The following WEE2 variants were observed in gnomAD, a reference collection of about 807,000 sequenced individuals.
The protein encoded by WEE2 is wee1-like protein kinase 2.
A neutral mutation model predicts 60.1 loss-of-function variants in WEE2; 50 were observed. That is an observed-to-expected ratio of 0.83 (90% CI 0.66 to 1.05). The LOEUF (loss-of-function observed/expected upper bound fraction) is 1.05, where lower values mean the gene tolerates loss of function less well. Ranked by LOEUF, WEE2 falls within the 50% of genes least tolerant of loss-of-function variation. WEE2 has a pLI of 0.00. For synonymous variants in WEE2, 240 were observed against 241.0 expected (o/e 1.00, Z 0.04); for missense variants, 631 against 684.3 (o/e 0.92, Z 0.87).
At position 141,716,175 on chromosome 7, in the gene WEE2, A is replaced by C. The variant is rs146788237; in HGVS notation, c.540-47A>C. On this transcript the variant is annotated intron_variant, in intron 2 of 11. Coordinates refer to ENST00000397541, the MANE Select transcript of WEE2 (RefSeq NM_001105558.1). ...CTAGAACCTAGCATAGTTCGGCCTCAATAAATATTAATTATATATTGATAA... is the reference window on the plus strand; with the variant it reads ...CTAGAACCTAGCATAGTTCGGCCTCCATAAATATTAATTATATATTGATAA... The C allele has an allele frequency of 1.9e-4, 295 of 1,520,580 alleles. 3 individuals carry two copies. In the East Asian group the frequency reaches 7.1e-3, roughly 37 times the overall value. 94.2% of individuals were successfully genotyped at this position (1,520,580 alleles called of 1,614,324 possible). A position where few individuals can be genotyped will look rare whatever the true frequency, so the allele number is the denominator to read the frequency against.
chr7:141,715,258 G>T (rs369694581), intron 2 of WEE2, among the ~76,000 whole-genome samples: 7 of 152,108 alleles, frequency 4.6e-5, no homozygotes, highest in Non-Finnish European at 1.0e-4. Context: ...GAATTCGATT[G>T]GTTTTAGTTC....
chr7:141,725,337 A>C (rs1584746223), intron 9 of WEE2, 141 bp downstream of exon 9: 1 of 1,010,988 alleles, frequency 9.9e-7, no homozygotes, highest in East Asian at 2.7e-5. Flanking sequence ...AGAAAAAATA[A>C]GGGGCGGGTC....
chr7:141,721,111 T>C, intron 5 of WEE2, 55 bp downstream of exon 5: 2 of 1,608,240 alleles, frequency 1.2e-6, no homozygotes, highest in Non-Finnish European at 1.7e-6. Flanking sequence ...TTATAAGCCT[T>C]CAGAAATAAA....
chr7:141,730,292 C>G lies in WEE2; in HGVS notation c.1679-3C>G, dbSNP rs752985552. ...ATTTACTTCTCACACTTTTGATGAA[C>G]AGCAGGAGAGCGTGAGCCTCTGCAT... On this transcript the variant is annotated splice_region_variant and splice_polypyrimidine_tract_variant and intron_variant, in intron 11 of 11. Coordinates refer to ENST00000397541, the MANE Select transcript of WEE2 (RefSeq NM_001105558.1). The G allele has an allele frequency of 6.2e-7, 1 of 1,613,108 alleles. No individual in the cohort carries two copies. The highest frequency in any genetic ancestry group is 1.3e-5 in the African/African-American group (1 of 74,878).
chr7:141,713,318 CCT>C (rs1317466353), intron 1 of WEE2, among the ~76,000 whole-genome samples: 38 of 152,224 alleles, frequency 2.5e-4, no homozygotes, highest in Admixed American at 2.5e-3. Context: ...TACTGTGGCC[CCT>C]GTGTGTGCTG....
At chr7:141,715,121 T>C (rs572658810) in intron 2 of WEE2, among the ~76,000 whole-genome samples, 3 of 152,320 alleles carry the variant, frequency 2.0e-5, no homozygotes, top group Admixed American at 2.0e-4. Context: ...TGTCAAGTTG[T>C]TTCTTTGGAG....
intron 1 of WEE2, among the ~76,000 whole-genome samples, chr7:141,710,541 A>G (rs1401899862): frequency 1.3e-5 from 2 of 152,238 alleles, no homozygotes; most frequent in African/African-American, 4.8e-5. Flanking sequence ...AAATGAAACA[A>G]TAAAGTTCAA....
At chr7:141,726,910 T>C (rs1055707958) in intron 9 of WEE2, among the ~76,000 whole-genome samples, 3 of 152,220 alleles carry the variant, frequency 2.0e-5, no homozygotes. Flanking sequence ...GGGTTATTAA[T>C]ACTAAGTGAA....
intron 10 of WEE2, chr7:141,727,798 G>A: frequency 4.7e-6 from 1 of 212,560 alleles, no homozygotes; most frequent in South Asian, 1.3e-4. Flanking sequence ...AGGTAAGATG[G>A]GTAAGACCTA....
chr7:141,716,333 C>A, intron 3 of WEE2, 66 bp downstream of exon 3: 1 of 1,349,254 alleles, frequency 7.4e-7, no homozygotes, highest in Non-Finnish European at 1.0e-6. Context: ...TCTCTTCTTC[C>A]CCTCCCCTTC....
intron 4 of WEE2, 181 bp from the exon 5 acceptor site, chr7:141,720,754 T>C (rs927143440): frequency 3.3e-5 from 24 of 722,698 alleles, no homozygotes; most frequent in Non-Finnish European, 4.6e-5. Context: ...ACAGCCTTCA[T>C]TGTTTCCACT....
chr7:141,730,265 T>A, intron 11 of WEE2, 30 bp from the exon 12 acceptor site: 1 of 1,611,204 alleles, frequency 6.2e-7, no homozygotes, highest in African/African-American at 1.3e-5. Context: ...GATCAATAAC[T>A]TATTTACTTC....
intron 5 of WEE2, 107 bp downstream of exon 5, chr7:141,721,163 T>C (rs976320874): frequency 7.2e-6 from 10 of 1,384,904 alleles, no homozygotes; most frequent in Non-Finnish European, 9.1e-6. Context: ...ATAGCAGATA[T>C]ACCTAAAAAG....
chr7:141,721,419 A>G (rs1254954109), intron 5 of WEE2, among the ~76,000 whole-genome samples: 1 of 151,962 alleles, frequency 6.6e-6, no homozygotes, highest in African/African-American at 2.4e-5. Flanking sequence ...TGTTGGTAGC[A>G]CCTCATGACC....
rs1347076866 is a variant in WEE2 at position 141,723,407 on chromosome 7, T to C, written c.1027+127T>C. ...TGCTGGCAGAACCCCTTTCTTCCAT[T>C]TGTGTTCCTTAAAAAAAATCAGTTA... On this transcript the variant is annotated intron_variant, in intron 6 of 11. Coordinates refer to ENST00000397541, the MANE Select transcript of WEE2 (RefSeq NM_001105558.1). The C allele has an allele frequency of 2.9e-6, 3 of 1,038,960 alleles. No homozygotes were observed. In the African/African-American group the frequency reaches 4.8e-5, roughly 17 times the overall value. The allele number at this position is 1,038,960 out of a possible 1,614,324, so 64.4% of individuals were successfully genotyped here.
intron 4 of WEE2, among the ~76,000 whole-genome samples, chr7:141,719,944 T>C (rs1446663496): frequency 1.3e-5 from 2 of 152,152 alleles, no homozygotes; most frequent in Non-Finnish European, 2.9e-5. Context: ...TAACAATGAA[T>C]TCAATAGTAA....
At position 141,714,229 on chromosome 7, in the gene WEE2, G is replaced by A; in HGVS notation, c.363G>A (p.Val121=). The change falls in exon 2 of 12, where the codon GTG becomes GTA. Residue 121 remains valine (V), a synonymous_variant. Coordinates refer to ENST00000397541, the MANE Select transcript of WEE2 (RefSeq NM_001105558.1). ...STPKTMLSRL[V]ISPTGKLPSR... ...TTCAGACCATGCTGAGCCGGTTGGT[G>A]ATTTCTCCAACAGGGAAGCTTCCTT... 6.2e-7 allele frequency: 1 copy of A among 1,612,060 alleles called. No individual in the cohort carries two copies. Among genetic ancestry groups the A allele is most frequent in the Non-Finnish European group, 8.5e-7 (1 of 1,179,256 alleles).
chr7:141,729,582 T>C lies in WEE2; in HGVS notation c.1587T>C (p.His529=). 1.2e-6 allele frequency: 2 copies of C among 1,614,240 alleles called. No individual in the cohort carries two copies. Among genetic ancestry groups the C allele is most frequent in the Non-Finnish European group, 1.7e-6 (2 of 1,180,040 alleles). The stretch of plus-strand genomic sequence containing the variant: ...AGTCACCCCAGGGATATACCCATCA[T>C]GGTGACACTGGGGTCTCTGGGACCC... ...QAQSPQGYTH[H]GDTGVSGTHT... Residue 529 remains histidine, a synonymous_variant, in exon 11 of 12, where the codon CAT becomes CAC. Transcript: ENST00000397541.
chr7:141,725,282 T>A, intron 9 of WEE2, 86 bp downstream of exon 9: 3 of 1,419,560 alleles, frequency 2.1e-6, no homozygotes, highest in Non-Finnish European at 2.8e-6. Flanking sequence ...AAAATGGAGA[T>A]GCTAGTAGTG....
Sources: gnomAD v4.1 joint callset for allele counts (sites outside exome capture counted in the v4.1 genomes callset) on GRCh38, gnomAD v4.1.1 for gene constraint, MANE v1.5 for transcripts, NCBI Gene and HGNC (gene_info 2026-07-23, HGNC 2026-07-21) for gene names.